The following LINGO2 variants were observed in gnomAD, a reference collection of about 807,000 sequenced individuals.
LINGO2 encodes the protein leucine-rich repeat and immunoglobulin-like domain-containing nogo receptor-interacting protein 2.
In LINGO2, 14 loss-of-function variants were observed where a neutral mutation model predicts 30.6. The ratio of observed to expected loss-of-function variants is 0.46; its 90% CI spans 0.30 to 0.72. LINGO2 has a LOEUF of 0.72. Among genes scored for constraint, LINGO2 ranks in the 30% least tolerant of loss-of-function variants. The probability of loss-of-function intolerance (pLI) is 0.07; values close to 1 mark genes in which losing one functional copy is unlikely to be tolerated. For synonymous variants in LINGO2, 317 were observed against 288.5 expected (o/e 1.10, Z -1.00); for missense variants, 729 against 751.7 (o/e 0.97, Z 0.35).
chr9:28,401,553 G>C (rs1274639143), intron 2 of LINGO2, among the ~76,000 whole-genome samples: 1 of 152,076 alleles, frequency 6.6e-6, no homozygotes, highest in Non-Finnish European at 1.5e-5. Context: ...CATTTGGGTT[G>C]GTTCCATGTC....
chr9:27,989,838 C>G (rs989404110), intron 5 of LINGO2, among the ~76,000 whole-genome samples: 1 of 151,968 alleles, frequency 6.6e-6, no homozygotes, highest in Non-Finnish European at 1.5e-5. Context: ...AGTTGTAGAA[C>G]TGGGATTTAA....
At chr9:28,126,399 G>A (rs1490438396) in intron 4 of LINGO2, among the ~76,000 whole-genome samples, 3 of 152,106 alleles carry the variant, frequency 2.0e-5, no homozygotes, top group African/African-American at 4.8e-5. Context: ...ACTGACCACC[G>A]AGACCAATAT....
the LINGO2 span, among the ~76,000 whole-genome samples, chr9:29,019,061 T>C: frequency 0.022 from 3,322 of 152,238 alleles, 116 homozygotes; most frequent in African/African-American, 0.075. Context: ...ATAAAATATA[T>C]ATGTGTATTG....
chr9:28,078,187 C>A (rs1016701829), intron 4 of LINGO2, among the ~76,000 whole-genome samples: 2 of 149,096 alleles, frequency 1.3e-5, no homozygotes, highest in Non-Finnish European at 2.9e-5. Flanking sequence ...GTAAGAGGAG[C>A]AGATATTTGC....
At chr9:27,962,888 A>G (rs1333125227) in intron 5 of LINGO2, among the ~76,000 whole-genome samples, 1 of 152,216 alleles carries the variant, frequency 6.6e-6, no homozygotes, top group Non-Finnish European at 1.5e-5. Flanking sequence ...CTCAAGCACA[A>G]TGATTAGTAC....
chr9:28,715,295 T>A, the LINGO2 span, among the ~76,000 whole-genome samples: 1 of 152,162 alleles, frequency 6.6e-6, no homozygotes, highest in Non-Finnish European at 1.5e-5. Context: ...CCTTTATCTA[T>A]TTCATGCTGG....
At chr9:28,837,649 A>AATATATATAT in the LINGO2 span, among the ~76,000 whole-genome samples, 5,754 of 75,492 alleles carry the variant, frequency 0.076, 1,015 homozygotes, top group Non-Finnish European at 0.1. Flanking sequence ...CTCCGTCTAA[A>AATATATATAT]ATATATATAT....
At chr9:28,713,905 C>A in the LINGO2 span, among the ~76,000 whole-genome samples, 1 of 152,000 alleles carries the variant, frequency 6.6e-6, no homozygotes, top group Non-Finnish European at 1.5e-5. Flanking sequence ...CGCCTGTAAT[C>A]CCAGCACTTT....
At chr9:28,173,150 T>C (rs940385227) in intron 4 of LINGO2, among the ~76,000 whole-genome samples, 4 of 152,196 alleles carry the variant, frequency 2.6e-5, no homozygotes, top group African/African-American at 7.2e-5. Context: ...TATATATATA[T>C]ACACATACAA....
chr9:28,367,019 A>T (rs1265319926), intron 3 of LINGO2, among the ~76,000 whole-genome samples: 1 of 150,824 alleles, frequency 6.6e-6, no homozygotes, highest in African/African-American at 2.5e-5. Flanking sequence ...CCCACATGGA[A>T]TATACAGATT....
chr9:28,624,630 T>C (rs1299565313), intron 1 of LINGO2, among the ~76,000 whole-genome samples: 1 of 139,832 alleles, frequency 7.2e-6, no homozygotes, highest in Non-Finnish European at 1.5e-5. Flanking sequence ...CCTGTAGTTT[T>C]CTTTTTTTTT....
chr9:28,787,454 C>T, the LINGO2 span, among the ~76,000 whole-genome samples: 2 of 151,954 alleles, frequency 1.3e-5, no homozygotes, highest in Admixed American at 6.6e-5. Context: ...TACATAGTTG[C>T]TAAATGAAGA....
At chr9:28,537,676 C>T (rs1055684576) in intron 1 of LINGO2, among the ~76,000 whole-genome samples, 2 of 151,404 alleles carry the variant, frequency 1.3e-5, no homozygotes, top group Admixed American at 6.6e-5. Context: ...CAGAGAAAGA[C>T]GTAAAGATAA....
chr9:28,529,242 T>C (rs1053251309), intron 1 of LINGO2, among the ~76,000 whole-genome samples: 2 of 152,170 alleles, frequency 1.3e-5, no homozygotes, highest in African/African-American at 4.8e-5. Context: ...TTTGATTGTG[T>C]ATTAACATTT....
chr9:29,177,085 T>A, the LINGO2 span, among the ~76,000 whole-genome samples: 1 of 152,158 alleles, frequency 6.6e-6, no homozygotes, highest in African/African-American at 2.4e-5. Context: ...AGCATTAAAG[T>A]ATAGGTCAGC....
At chr9:28,168,850 C>G (rs1828504856) in intron 4 of LINGO2, among the ~76,000 whole-genome samples, 1 of 152,262 alleles carries the variant, frequency 6.6e-6, no homozygotes, top group Non-Finnish European at 1.5e-5. Context: ...GAGTTGTATT[C>G]ACAAAAGGCA....
At chr9:28,803,813 G>C in the LINGO2 span, among the ~76,000 whole-genome samples, 20 of 152,128 alleles carry the variant, frequency 1.3e-4, no homozygotes, top group East Asian at 3.7e-3. Context: ...AATGTAACCT[G>C]TGTTAATGCT....
At chr9:28,084,286 T>G (rs984899780) in intron 4 of LINGO2, among the ~76,000 whole-genome samples, 1 of 152,140 alleles carries the variant, frequency 6.6e-6, no homozygotes, top group Non-Finnish European at 1.5e-5. Flanking sequence ...TAAAAACAAT[T>G]TAAAAGTATC....
the LINGO2 span, among the ~76,000 whole-genome samples, chr9:29,133,000 C>T: frequency 6.6e-6 from 1 of 152,008 alleles, no homozygotes; most frequent in Non-Finnish European, 1.5e-5. Context: ...GGACTACAGG[C>T]ACACACCATC....
Sources: gnomAD v4.1 joint callset for allele counts (sites outside exome capture counted in the v4.1 genomes callset) on GRCh38, gnomAD v4.1.1 for gene constraint, MANE v1.5 for transcripts, NCBI Gene and HGNC (gene_info 2026-07-23, HGNC 2026-07-21) for gene names.